The following WDHD1 variants were observed in gnomAD, a reference collection of about 807,000 sequenced individuals.
The protein encoded by WDHD1 is WD repeat and HMG-box DNA-binding protein 1.
Under a neutral mutation model 135.4 loss-of-function variants are expected in WDHD1, and 111 were observed. That is an observed-to-expected ratio of 0.82 (90% CI 0.70 to 0.96). The LOEUF is 0.96. Ranked by LOEUF, WDHD1 falls within the 40% of genes least tolerant of loss-of-function variation. The probability of loss-of-function intolerance (pLI) is 0.00; values close to 1 mark genes in which losing one functional copy is unlikely to be tolerated. For missense variants in WDHD1, 1,351 were observed against 1,336.3 expected (o/e 1.01, Z -0.17); for synonymous variants, 434 against 439.0 (o/e 0.99, Z 0.14).
rs2040828147 is a variant in WDHD1, at chr14:54,940,946, A to G, written c.*544T>C. 1 of 152,246 alleles carries G rather than the reference A, an allele frequency of 6.6e-6. No homozygotes were observed. Among genetic ancestry groups the G allele is most frequent in the Admixed American group, 6.5e-5 (1 of 15,276 alleles). The allele number at this position is 152,246 out of a possible 1,614,324, so 9.4% of individuals were successfully genotyped here. On this transcript the variant is annotated 3_prime_UTR_variant, in exon 26 of 26. Coordinates refer to ENST00000360586, the MANE Select transcript of WDHD1 (RefSeq NM_007086.4). ...AAAATCCAGGCTATACAAACAGACA[A>G]CTGAAAGCCACATAGGAAATTTCCG...
At chr14:55,003,318 T>C (rs2042005413) in intron 7 of WDHD1, among the ~76,000 whole-genome samples, 1 of 151,922 alleles carries the variant, frequency 6.6e-6, no homozygotes, top group African/African-American at 2.4e-5. Context: ...GAGACTAGCC[T>C]GAGCAACATA....
chr14:54,973,893 C>T (rs2041479600), intron 16 of WDHD1, among the ~76,000 whole-genome samples: 1 of 152,132 alleles, frequency 6.6e-6, no homozygotes, highest in African/African-American at 2.4e-5. Context: ...TACATCAAAG[C>T]AGAGCACCAA....
At chr14:55,003,746 T>C (rs2042016388) in intron 7 of WDHD1, among the ~76,000 whole-genome samples, 1 of 132,004 alleles carries the variant, frequency 7.6e-6, no homozygotes, top group Non-Finnish European at 1.6e-5. Flanking sequence ...GTATTTTCAG[T>C]AGAGACGGGG....
At chr14:55,013,910 G>GA (rs904865759) in intron 2 of WDHD1, among the ~76,000 whole-genome samples, 34 of 147,324 alleles carry the variant, frequency 2.3e-4, no homozygotes, top group Middle Eastern at 7.0e-3. Flanking sequence ...CTATCTCAAG[G>GA]AAAAAAAAAA....
intron 16 of WDHD1, among the ~76,000 whole-genome samples, chr14:54,969,530 C>G (rs1425828077): frequency 6.6e-6 from 1 of 152,044 alleles, no homozygotes; most frequent in Non-Finnish European, 1.5e-5. Context: ...AACAGAAATT[C>G]TGAACAAACC....
At position 54,975,344 on chromosome 14, in the gene WDHD1, T is replaced by C. The variant is rs558459241; in HGVS notation, c.2063+6196A>G. Among the ~76,000 whole-genome samples the C allele has an allele frequency of 8.6e-5, 13 of 151,492 alleles. No homozygotes were observed. In the South Asian group the frequency reaches 2.5e-3, roughly 29 times the overall value. On this transcript the variant is annotated intron_variant, in intron 16 of 25. Coordinates refer to ENST00000360586, the MANE Select transcript of WDHD1 (RefSeq NM_007086.4). Reference sequence around the variant, plus strand: ...ATTAATACAGATCAGTAATTTCTCATATTCATAATTTTTTTTTTTTTGAGA... The same window carrying C: ...ATTAATACAGATCAGTAATTTCTCACATTCATAATTTTTTTTTTTTTGAGA...
At chr14:54,955,895 CT>C (rs71131243) in intron 23 of WDHD1, among the ~76,000 whole-genome samples, 4,335 of 109,968 alleles carry the variant, frequency 0.039, 102 homozygotes, top group African/African-American at 0.14. Flanking sequence ...CCATGTTTTC[CT>C]TTTTTTTTTT....
chr14:54,985,544 T>C (rs1233917408), intron 14 of WDHD1, among the ~76,000 whole-genome samples: 1 of 152,232 alleles, frequency 6.6e-6, no homozygotes. Flanking sequence ...GTAGATCACC[T>C]TGACAGCTAT....
At chr14:54,977,912 GAA>G (rs11365009) in intron 16 of WDHD1, among the ~76,000 whole-genome samples, 136 of 141,238 alleles carry the variant, frequency 9.6e-4, no homozygotes, top group Admixed American at 1.2e-3. Flanking sequence ...GGGTTGTGTG[GAA>G]AAAAAAAAAA....
At chr14:55,024,542 C>G (rs2042400581) in intron 2 of WDHD1, among the ~76,000 whole-genome samples, 1 of 152,162 alleles carries the variant, frequency 6.6e-6, no homozygotes, top group South Asian at 2.1e-4. Flanking sequence ...ATCACACTTA[C>G]CCAAACTTGT....
chr14:54,974,414 C>T (rs745760010), intron 16 of WDHD1, among the ~76,000 whole-genome samples: 8 of 144,838 alleles, frequency 5.5e-5, no homozygotes, highest in Non-Finnish European at 9.0e-5. Flanking sequence ...GTCTGGGCAA[C>T]AGAGAGAGAT....
chr14:54,975,171 G>A lies in WDHD1; in HGVS notation c.2063+6369C>T, dbSNP rs996261663. 4.6e-5 allele frequency among the ~76,000 whole-genome samples: 7 copies of A among 152,018 alleles called. No homozygotes were observed. The East Asian group carries it at 1.3e-3, about 29-fold the overall frequency. ...AAAACTAAACAGAAAAAGAAAGAAGGTCTCTGTTGGTAGAGAGCAAATTAG... is the reference window on the plus strand; with the variant it reads ...AAAACTAAACAGAAAAAGAAAGAAGATCTCTGTTGGTAGAGAGCAAATTAG... On this transcript the variant is annotated intron_variant, in intron 16 of 25. Transcript: ENST00000360586.
chr14:55,022,303 G>C (rs2042361929), intron 2 of WDHD1, among the ~76,000 whole-genome samples: 1 of 152,200 alleles, frequency 6.6e-6, no homozygotes, highest in African/African-American at 2.4e-5. Context: ...CCGGGGGTTA[G>C]TAGCTTTATA....
intron 2 of WDHD1, among the ~76,000 whole-genome samples, chr14:55,019,457 A>G (rs753636160): frequency 6.6e-6 from 1 of 152,086 alleles, no homozygotes; most frequent in Non-Finnish European, 1.5e-5. Context: ...CTCTAATATT[A>G]TTTTATTTGT....
At chr14:55,025,350 A>C (rs1304966457) in intron 2 of WDHD1, among the ~76,000 whole-genome samples, 4 of 151,292 alleles carry the variant, frequency 2.6e-5, no homozygotes, top group African/African-American at 9.7e-5. Context: ...GGGAACTCAG[A>C]GGCTGGCGGG....
intron 16 of WDHD1, among the ~76,000 whole-genome samples, chr14:54,979,839 T>A (rs1384436316): frequency 6.6e-6 from 1 of 152,248 alleles, no homozygotes; most frequent in Non-Finnish European, 1.5e-5. Context: ...CTTTTGCGTA[T>A]GTAAAGCAAA....
chr14:54,960,873 T>G (rs2041240564), intron 21 of WDHD1, among the ~76,000 whole-genome samples: 1 of 152,162 alleles, frequency 6.6e-6, no homozygotes. Flanking sequence ...AACCATAGCC[T>G]ACTGCACCCT....
chr14:54,951,689 C>T (rs2041056223), intron 24 of WDHD1, among the ~76,000 whole-genome samples: 1 of 152,090 alleles, frequency 6.6e-6, no homozygotes, highest in Non-Finnish European at 1.5e-5. Context: ...CTGGCAGACA[C>T]ACAACAAAAA....
chr14:55,009,792 C>CT (rs1350290714), intron 4 of WDHD1, among the ~76,000 whole-genome samples: 4 of 152,008 alleles, frequency 2.6e-5, no homozygotes, highest in African/African-American at 9.7e-5. Context: ...AATAGGCCAT[C>CT]TGCCCATCTG....
Sources: gnomAD v4.1 joint callset for allele counts (sites outside exome capture counted in the v4.1 genomes callset) on GRCh38, gnomAD v4.1.1 for gene constraint, MANE v1.5 for transcripts, NCBI Gene and HGNC (gene_info 2026-07-23, HGNC 2026-07-21) for gene names.